Variants in CEP192 observed in about 807,000 individuals in gnomAD.
CEP192 encodes centrosomal protein 192.
CEP192 carries 151 observed loss-of-function variants against 271.8 expected under a neutral mutation model. The observed-to-expected ratio is 0.56, with a 90% CI of 0.49 to 0.64. CEP192 has a LOEUF of 0.64. CEP192 is among the 30% of genes least tolerant of loss of function. The pLI is 0.00. For missense variants in CEP192, 2,910 were observed against 3,020.5 expected (o/e 0.96, Z 0.86); for synonymous variants, 995 against 1,076.5 (o/e 0.92, Z 1.48).
intron 1 of CEP192, among the ~76,000 whole-genome samples, chr18:12,993,903 G>A (rs534724560): frequency 3.9e-5 from 6 of 152,290 alleles, no homozygotes; most frequent in East Asian, 1.9e-4. Context: ...CTTAAAACTC[G>A]TTTTTTCAAT....
chr18:13,070,233 A>G (rs975712759), intron 27 of CEP192, among the ~76,000 whole-genome samples: 1 of 152,006 alleles, frequency 6.6e-6, no homozygotes, highest in Non-Finnish European at 1.5e-5. Context: ...AAAATTCCAC[A>G]GCCTGAATGA....
In CEP192 at chr18:13,042,350, C is replaced by T. The variant is rs373803336; in HGVS notation, c.2067+16C>T. 7.3e-5 allele frequency: 117 copies of T among 1,612,452 alleles called. No homozygotes were observed. The highest frequency in any genetic ancestry group is 1.2e-4 in the Admixed American group (7 of 59,836). ...CAAAACAGAGGTAGCTTCAGCCTTTCGTAAGGAAATCTAAGATTATCTTGT... is the reference window on the plus strand; with the variant it reads ...CAAAACAGAGGTAGCTTCAGCCTTTTGTAAGGAAATCTAAGATTATCTTGT... On this transcript the variant is annotated intron_variant, in intron 15 of 44. Transcript: ENST00000506447.
intron 9 of CEP192, among the ~76,000 whole-genome samples, chr18:13,027,317 C>T (rs2035358481): frequency 6.6e-6 from 1 of 152,144 alleles, no homozygotes; most frequent in Non-Finnish European, 1.5e-5. Context: ...ACTGGAAGCC[C>T]AAGGGGATTT....
At chr18:13,051,984 G>A (rs945336241) in intron 17 of CEP192, among the ~76,000 whole-genome samples, 1 of 152,216 alleles carries the variant, frequency 6.6e-6, no homozygotes, top group African/African-American at 2.4e-5. Context: ...AAGCTAACTG[G>A]CAGAGCATAG....
At chr18:13,010,189 AT>A (rs2034255414) in intron 4 of CEP192, among the ~76,000 whole-genome samples, 1 of 152,164 alleles carries the variant, frequency 6.6e-6, no homozygotes, top group Non-Finnish European at 1.5e-5. Context: ...GTTTAAAAAA[AT>A]CATAGGCTTC....
intron 44 of CEP192, among the ~76,000 whole-genome samples, chr18:13,122,850 TG>T (rs1343750954): frequency 6.6e-6 from 1 of 152,060 alleles, no homozygotes; most frequent in Non-Finnish European, 1.5e-5. Context: ...TGTGTGTGTG[TG>T]TGTGTGTGTA....
chr18:13,048,775 G>A (rs747957026), intron 15 of CEP192, 84 bp from the exon 16 acceptor site: 7 of 887,048 alleles, frequency 7.9e-6, no homozygotes, highest in Admixed American at 2.7e-5. Context: ...GTTTTGAAAC[G>A]CATCTCCCAA....
intron 44 of CEP192, among the ~76,000 whole-genome samples, chr18:13,119,478 C>T (rs1391041626): frequency 3.9e-5 from 6 of 152,292 alleles, no homozygotes; most frequent in Non-Finnish European, 1.5e-5. Context: ...TGTGGTGGCT[C>T]ACACCTGTAA....
intron 30 of CEP192, among the ~76,000 whole-genome samples, chr18:13,080,136 A>G (rs1041711482): frequency 6.6e-6 from 1 of 152,134 alleles, no homozygotes; most frequent in Non-Finnish European, 1.5e-5. Context: ...TTTTGGTTCC[A>G]TATGAACTTT....
intron 15 of CEP192, among the ~76,000 whole-genome samples, chr18:13,044,228 A>C (rs1194125125): frequency 6.6e-6 from 1 of 152,168 alleles, no homozygotes; most frequent in Non-Finnish European, 1.5e-5. Flanking sequence ...GATTTCCTGC[A>C]TACATAGTTT....
chr18:13,114,186 T>C lies in CEP192; in HGVS notation c.7224T>C (p.Ile2408=). The C allele has an allele frequency of 6.2e-7, 1 of 1,614,128 alleles. No homozygotes were observed. The highest frequency in any genetic ancestry group is 8.5e-7 in the Non-Finnish European group (1 of 1,179,994). Residue 2408 remains isoleucine, a synonymous_variant, in exon 42 of 45, where the codon ATT becomes ATC. Coordinates refer to ENST00000506447, the MANE Select transcript of CEP192 (RefSeq NM_032142.4). Reference sequence around the variant, plus strand: ...CATGCCTTTCCACGGATTCCCTCATTAAAATAGATCATTTAGTTAAGCCCC... The same window carrying C: ...CATGCCTTTCCACGGATTCCCTCATCAAAATAGATCATTTAGTTAAGCCCC... ...ENACLSTDSL[I]KIDHLVKPRR...
chr18:13,074,078 A>G (rs1189012027), intron 30 of CEP192, among the ~76,000 whole-genome samples: 1 of 152,068 alleles, frequency 6.6e-6, no homozygotes, highest in African/African-American at 2.4e-5. Flanking sequence ...CTCCAGCTAC[A>G]TGGTTGTGCA....
Position 13,001,578 on chromosome 18 carries a change from G to A in CEP192, c.286G>A (p.Asp96Asn), listed in dbSNP as rs374489828. 18 of 1,546,794 alleles carry A rather than the reference G, an allele frequency of 1.2e-5. No individual in the cohort carries two copies. Among genetic ancestry groups the A allele is most frequent in the Non-Finnish European group, 1.6e-5 (18 of 1,145,768 alleles). Residue 96 changes from aspartate (D) to asparagine (N), a missense_variant, in exon 3 of 45, where the codon GAT becomes AAT. Transcript: ENST00000506447. ...RERLQLSFQD[D>N]DSISRKKSYV... Reference sequence around the variant, plus strand: ...GAGGTTACAGCTTAGCTTCCAGGATGATGAGTAAGTTCATACCTTCATTTG... The same window carrying A: ...GAGGTTACAGCTTAGCTTCCAGGATAATGAGTAAGTTCATACCTTCATTTG...
In CEP192 at chr18:13,100,512, G is replaced by C. The variant is rs774492121; in HGVS notation, c.6871G>C (p.Glu2291Gln). The C allele has an allele frequency of 6.2e-7, 1 of 1,602,880 alleles. No individual in the cohort carries two copies. Among genetic ancestry groups the C allele is most frequent in the Non-Finnish European group, 8.5e-7 (1 of 1,170,866 alleles). ...FPTTEPGETS[E>Q]SCLELENHGT... is the part of the protein sequence containing the mutation. ...TACAACAGAACCTGGTGAAACTTCA[G>C]GTATTGTATCACAAAATTATGTAAT... Residue 2291 changes from glutamate (E) to glutamine (Q), a missense_variant and splice_region_variant, in exon 38 of 45, where the codon GAG (glutamate) becomes CAG (glutamine). By Grantham distance (29) the Glu-to-Gln change is conservative. Coordinates refer to ENST00000506447, the MANE Select transcript of CEP192 (RefSeq NM_032142.4).
At chr18:13,053,317 C>A (rs1384017878) in intron 18 of CEP192, among the ~76,000 whole-genome samples, 1 of 152,194 alleles carries the variant, frequency 6.6e-6, no homozygotes, top group East Asian at 1.9e-4. Flanking sequence ...TCTGGTGAGG[C>A]ACGCTGTGTA....
intron 42 of CEP192, 41 bp downstream of exon 42, chr18:13,114,292 C>T: frequency 6.2e-7 from 1 of 1,602,816 alleles, no homozygotes. Flanking sequence ...TTTCCCAGTA[C>T]TTTATTGAGG....
Position 12,999,568 on chromosome 18 carries a change from T to C in CEP192, c.144T>C (p.Asp48=). 8 of 1,550,008 alleles carry C rather than the reference T, an allele frequency of 5.2e-6. No individual in the cohort carries two copies. Among genetic ancestry groups the C allele is most frequent in the Non-Finnish European group, 6.1e-6 (7 of 1,146,590 alleles). ...LPVAVSTLAR[D]RSSTDNRYPD... ...TTGCTGTTTCTACACTTGCTAGGGA[T>C]AGATCCAGCACTGATAACAGGTAAG... Residue 48 remains aspartate (D), a synonymous_variant, in exon 2 of 45, where the codon GAT becomes GAC. Coordinates refer to ENST00000506447, the MANE Select transcript of CEP192 (RefSeq NM_032142.4).
Position 13,048,974 on chromosome 18 carries a change from A to T in CEP192, c.2183A>T (p.Asn728Ile). ...TCAGCCATTGCAGAGGCATCAGTTAATACTGATCCTTCCCAACTTGCTGCA... is the reference window on the plus strand; with the variant it reads ...TCAGCCATTGCAGAGGCATCAGTTATTACTGATCCTTCCCAACTTGCTGCA... ...IASAIAEASV[N>I]TDPSQLAAMI... Residue 728 changes from asparagine (N) to isoleucine (I), a missense_variant, in exon 16 of 45, where the codon AAT becomes ATT. Coordinates refer to ENST00000506447, the MANE Select transcript of CEP192 (RefSeq NM_032142.4). 6.2e-7 allele frequency: 1 copy of T among 1,613,294 alleles called. No homozygotes were observed. Among genetic ancestry groups the T allele is most frequent in the Non-Finnish European group, 8.5e-7 (1 of 1,179,208 alleles).
chr18:13,029,567 A>G (rs2035496978), intron 9 of CEP192, 96 bp from the exon 10 acceptor site: 1 of 727,540 alleles, frequency 1.4e-6, no homozygotes, highest in Non-Finnish European at 2.2e-6. Context: ...AACATTTTAT[A>G]TCAACTATAT....
Sources: gnomAD v4.1 joint callset for allele counts (sites outside exome capture counted in the v4.1 genomes callset) on GRCh38, gnomAD v4.1.1 for gene constraint, MANE v1.5 for transcripts, NCBI Gene and HGNC (gene_info 2026-07-23, HGNC 2026-07-21) for gene names.